The following THSD7B variants were observed in gnomAD, a reference collection of about 807,000 sequenced individuals.
THSD7B encodes the protein thrombospondin type 1 domain containing 7B.
THSD7B carries 138 observed loss-of-function variants against 213.6 expected under a neutral mutation model. That is an observed-to-expected ratio of 0.65 (90% CI 0.56 to 0.74). The LOEUF is 0.74. THSD7B is among the 30% of genes least tolerant of loss of function. The pLI is 0.00. For missense variants in THSD7B, 1,931 were observed against 1,991.5 expected, an observed-to-expected ratio of 0.97 and a Z score of 0.58; for synonymous variants, 742 against 687.0, an observed-to-expected ratio of 1.08 and a Z score of -1.25.
chr2:136,887,313 TG>T (rs1683735834), intron 2 of THSD7B, among the ~76,000 whole-genome samples: 1 of 150,552 alleles, frequency 6.6e-6, no homozygotes, highest in African/African-American at 2.4e-5. Flanking sequence ...TGTGTGTGTG[TG>T]TGTGTGTGTG....
At position 137,667,815 on chromosome 2, in the gene THSD7B, G is replaced by A. The variant is rs367680913; in HGVS notation, c.4693G>A (p.Ala1565Thr). Residue 1565 changes from alanine (A) to threonine (T), a missense_variant, in exon 27 of 28, where the codon GCT becomes ACT. Transcript: ENST00000409968. ...KIWVYGVSGG[A>T]FLIMIFLIFT... is the part of the protein sequence containing the mutation. ...TTGGGTTTATGGCGTTTCAGGTGGCGCTTTTCTCATCATGATTTTCCTAAT... is the reference window on the plus strand; with the variant it reads ...TTGGGTTTATGGCGTTTCAGGTGGCACTTTTCTCATCATGATTTTCCTAAT... 20 of 1,605,492 alleles carry A rather than the reference G, an allele frequency of 1.2e-5. No homozygotes were observed. The highest frequency in any genetic ancestry group is 1.6e-4 in the Middle Eastern group (1 of 6,066).
Position 137,199,249 on chromosome 2 carries a change from T to TA in THSD7B, c.1723+28317dup, listed in dbSNP as rs1323227961. 2.6e-5 allele frequency among the ~76,000 whole-genome samples: 4 copies of TA among 152,154 alleles called. No individual in the cohort carries two copies. In the South Asian group the frequency reaches 6.2e-4, roughly 24 times the overall value. Reference sequence around the variant, plus strand: ...AGTCATTTCATTTTTCTTTCTTTTCTAAAAAATATATCGAAAGATAATGTA... The same window carrying TA: ...AGTCATTTCATTTTTCTTTCTTTTCTAAAAAAATATATCGAAAGATAATGTA... On this transcript the variant is annotated intron_variant, in intron 7 of 27. Transcript: ENST00000409968.
chr2:136,817,276 G>A (rs914834097), intron 1 of THSD7B, among the ~76,000 whole-genome samples: 1 of 152,086 alleles, frequency 6.6e-6, no homozygotes, highest in Admixed American at 6.6e-5. Context: ...TTTGTCAGAT[G>A]AGTAGGTTGC....
At chr2:137,199,560 T>A (rs1004399886) in intron 7 of THSD7B, among the ~76,000 whole-genome samples, 1 of 152,174 alleles carries the variant, frequency 6.6e-6, no homozygotes, top group Non-Finnish European at 1.5e-5. Flanking sequence ...AAGGATCAGA[T>A]CTACTTGGTT....
intron 1 of THSD7B, among the ~76,000 whole-genome samples, chr2:136,812,299 C>T (rs1210362964): frequency 6.6e-6 from 1 of 152,128 alleles, no homozygotes; most frequent in Admixed American, 6.5e-5. Context: ...TAGTAATTGT[C>T]ATGAAAAATT....
intron 1 of THSD7B, among the ~76,000 whole-genome samples, chr2:136,856,716 A>G (rs1573672143): frequency 6.6e-6 from 1 of 152,218 alleles, no homozygotes; most frequent in East Asian, 1.9e-4. Context: ...GGGTTTCACC[A>G]TGTTGGCCAG....
chr2:137,433,528 A>G (rs80209485), intron 14 of THSD7B, among the ~76,000 whole-genome samples: 8,114 of 151,762 alleles, frequency 0.053, 343 homozygotes, highest in Non-Finnish European at 0.084. Flanking sequence ...TAATTTTTGT[A>G]TATTTTGTAG....
chr2:137,353,603 A>G (rs1402075592), intron 12 of THSD7B, among the ~76,000 whole-genome samples: 2 of 152,098 alleles, frequency 1.3e-5, no homozygotes, highest in African/African-American at 4.8e-5. Context: ...CTCACTGTAG[A>G]ATTAGGTTGT....
chr2:137,380,462 T>G (rs1685748115), intron 12 of THSD7B, among the ~76,000 whole-genome samples: 1 of 152,170 alleles, frequency 6.6e-6, no homozygotes, highest in South Asian at 2.1e-4. Flanking sequence ...TGAAAATGTT[T>G]TTATCTTCAT....
intron 5 of THSD7B, among the ~76,000 whole-genome samples, chr2:137,143,073 C>A (rs1051506877): frequency 6.6e-6 from 1 of 152,088 alleles, no homozygotes; most frequent in Non-Finnish European, 1.5e-5. Context: ...ATCCTGCATA[C>A]CAGGGACTTT....
intron 3 of THSD7B, among the ~76,000 whole-genome samples, chr2:137,090,530 G>A (rs1010943623): frequency 1.3e-5 from 2 of 152,092 alleles, no homozygotes; most frequent in African/African-American, 4.8e-5. Flanking sequence ...TACGTTTCCA[G>A]GGGAAGTAAG....
intron 15 of THSD7B, among the ~76,000 whole-genome samples, chr2:137,546,415 T>A (rs867020394): frequency 0.017 from 437 of 25,230 alleles, 8 homozygotes; most frequent in African/African-American, 0.053. Flanking sequence ...TATATATATA[T>A]TATATATATT....
chr2:136,920,765 G>T (rs1464354809), intron 2 of THSD7B, among the ~76,000 whole-genome samples: 1 of 152,038 alleles, frequency 6.6e-6, no homozygotes, highest in African/African-American at 2.4e-5. Flanking sequence ...CCTGCACCAA[G>T]CTGCCCTCAG....
At chr2:137,452,412 A>T (rs1186471724) in intron 15 of THSD7B, among the ~76,000 whole-genome samples, 3 of 152,252 alleles carry the variant, frequency 2.0e-5, no homozygotes, top group African/African-American at 7.2e-5. Context: ...CTTACAAAGA[A>T]AGAAATAATG....
chr2:137,363,383 G>A (rs189903222), intron 12 of THSD7B, among the ~76,000 whole-genome samples: 5 of 152,198 alleles, frequency 3.3e-5, no homozygotes, highest in South Asian at 2.1e-4. Context: ...AAATAACTAA[G>A]ATCAGAGCAG....
chr2:137,669,172 G>A (rs1028866986), intron 27 of THSD7B, among the ~76,000 whole-genome samples: 8 of 151,790 alleles, frequency 5.3e-5, no homozygotes, highest in African/African-American at 9.7e-5. Flanking sequence ...ACTATTTTCC[G>A]GAGAGTTTTT....
chr2:137,031,658 C>T (rs888890279), intron 2 of THSD7B, among the ~76,000 whole-genome samples: 1 of 148,700 alleles, frequency 6.7e-6, no homozygotes, highest in African/African-American at 2.4e-5. Context: ...AAAATATATT[C>T]AAAAAGAAGC....
chr2:137,574,266 G>T (rs755932467), intron 17 of THSD7B, among the ~76,000 whole-genome samples: 6 of 151,864 alleles, frequency 4.0e-5, no homozygotes, highest in Non-Finnish European at 8.8e-5. Flanking sequence ...TGCTTCTTTT[G>T]GGTTTTTGTT....
intron 17 of THSD7B, among the ~76,000 whole-genome samples, chr2:137,583,748 AG>A (rs1472545763): frequency 6.6e-6 from 1 of 152,162 alleles, no homozygotes; most frequent in Non-Finnish European, 1.5e-5. Flanking sequence ...GTAGCCTTGT[AG>A]TATAGTTTGA....
Sources: allele counts gnomAD v4.1 joint callset (sites outside exome capture counted in the v4.1 genomes callset), GRCh38; gene constraint gnomAD v4.1.1; transcripts MANE v1.5; gene names NCBI Gene and HGNC (gene_info 2026-07-23, HGNC 2026-07-21).